TSHZ2: variants seen among roughly 807,000 people sequenced by gnomAD.
TSHZ2 encodes the protein teashirt homolog 2.
A neutral mutation model predicts 74.4 loss-of-function variants in TSHZ2; 21 were observed. That is an observed-to-expected ratio of 0.28 (90% confidence interval 0.20 to 0.41). The LOEUF (loss-of-function observed/expected upper bound fraction) is 0.41, where lower values mean the gene tolerates loss of function less well. TSHZ2 is among the 10% of genes least tolerant of loss of function. The probability of loss-of-function intolerance (pLI) is 1.00; values close to 1 mark genes in which losing one functional copy is unlikely to be tolerated. For missense variants in TSHZ2, 1,244 were observed against 1,293.5 expected (o/e 0.96, Z 0.59); for synonymous variants, 540 against 515.3 (o/e 1.05, Z -0.65).
chr20:53,453,580 T>A (rs905271135), intron 2 of TSHZ2, among the ~76,000 whole-genome samples: 18 of 152,152 alleles, frequency 1.2e-4, no homozygotes. Flanking sequence ...ATGTCCAGGG[T>A]ATCTTAATTT....
chr20:53,131,245 A>G (rs918020100), intron 1 of TSHZ2, among the ~76,000 whole-genome samples: 1 of 152,224 alleles, frequency 6.6e-6, no homozygotes. Flanking sequence ...ATTAGATTAC[A>G]TGTTTTAGGA....
chr20:53,348,319 C>A (rs899791519), intron 2 of TSHZ2, among the ~76,000 whole-genome samples: 1 of 152,200 alleles, frequency 6.6e-6, no homozygotes, highest in Non-Finnish European at 1.5e-5. Context: ...AGTGTGGATA[C>A]ATGGTGCAAC....
intron 1 of TSHZ2, among the ~76,000 whole-genome samples, chr20:53,032,998 G>T (rs1180452493): frequency 6.6e-6 from 1 of 152,170 alleles, no homozygotes; most frequent in Non-Finnish European, 1.5e-5. Context: ...CATAAACAGT[G>T]CCTGATATAT....
At chr20:53,485,971 C>A (rs1358142314) in intron 2 of TSHZ2, among the ~76,000 whole-genome samples, 2 of 152,130 alleles carry the variant, frequency 1.3e-5, no homozygotes, top group African/African-American at 2.4e-5. Context: ...ACAAACATAA[C>A]AATGTCCATC....
rs1463003941 is a variant in TSHZ2 at position 53,160,119 on chromosome 20, A to T, written c.41-93380A>T. On this transcript the variant is annotated intron_variant, in intron 1 of 2. Transcript: ENST00000371497. ...AGTAGGCCCTAGGAAATTCAAAGCA[A>T]GATGCCTGTATGTCTGAAGAACAGA... Among the ~76,000 whole-genome samples the T allele has an allele frequency of 3.9e-5, 6 of 152,310 alleles. No homozygotes were observed. The East Asian group carries it at 7.7e-4, about 20-fold the overall frequency.
intron 2 of TSHZ2, among the ~76,000 whole-genome samples, chr20:53,409,368 T>C (rs1982965209): frequency 6.6e-6 from 1 of 152,230 alleles, no homozygotes; most frequent in Non-Finnish European, 1.5e-5. Context: ...AGACATCAAC[T>C]TTCCCAAGGC....
intron 2 of TSHZ2, among the ~76,000 whole-genome samples, chr20:53,469,033 G>A (rs1985652751): frequency 1.4e-5 from 1 of 70,992 alleles, no homozygotes; most frequent in Non-Finnish European, 3.0e-5. Flanking sequence ...TAAAGGCTCT[G>A]AAATCGATAT....
At chr20:53,177,934 T>G (rs114212040) in intron 1 of TSHZ2, among the ~76,000 whole-genome samples, 109 of 152,284 alleles carry the variant, frequency 7.2e-4, no homozygotes, top group African/African-American at 2.6e-3. Flanking sequence ...CTTTGGCTCT[T>G]TGCACAGTGC....
chr20:52,988,959 C>G (rs1981874163), intron 1 of TSHZ2, among the ~76,000 whole-genome samples: 1 of 152,044 alleles, frequency 6.6e-6, no homozygotes, highest in Non-Finnish European at 1.5e-5. Flanking sequence ...TTTATTTTAG[C>G]AAATGAAAAT....
intron 1 of TSHZ2, among the ~76,000 whole-genome samples, chr20:53,035,103 A>G (rs1403919069): frequency 6.6e-6 from 1 of 152,228 alleles, no homozygotes; most frequent in Non-Finnish European, 1.5e-5. Flanking sequence ...CACAGGATGT[A>G]GTAGAGGTGA....
At chr20:53,312,375 C>T (rs942627019) in intron 2 of TSHZ2, among the ~76,000 whole-genome samples, 1 of 152,140 alleles carries the variant, frequency 6.6e-6, no homozygotes, top group Non-Finnish European at 1.5e-5. Flanking sequence ...TGTCTTTTGA[C>T]GATATGTCAC....
chr20:53,297,429 C>T (rs945916848), intron 2 of TSHZ2, among the ~76,000 whole-genome samples: 9 of 151,956 alleles, frequency 5.9e-5, no homozygotes, highest in African/African-American at 7.2e-5. Context: ...CTTTAATTAG[C>T]GTGCCGTCTT....
intron 1 of TSHZ2, among the ~76,000 whole-genome samples, chr20:53,061,207 A>G (rs1409172259): frequency 6.6e-6 from 1 of 152,194 alleles, no homozygotes; most frequent in Non-Finnish European, 1.5e-5. Flanking sequence ...AAGAAAATAG[A>G]GGTAAGGTTG....
At chr20:53,083,916 T>C (rs894563977) in intron 1 of TSHZ2, among the ~76,000 whole-genome samples, 3 of 152,186 alleles carry the variant, frequency 2.0e-5, no homozygotes, top group Non-Finnish European at 2.9e-5. Context: ...TTTACTTCTG[T>C]CTTTTAACAT....
intron 1 of TSHZ2, among the ~76,000 whole-genome samples, chr20:53,030,912 G>A (rs569537793): frequency 3.5e-4 from 54 of 152,236 alleles, no homozygotes; most frequent in Middle Eastern, 3.4e-3. Flanking sequence ...AAAGAAACAC[G>A]TAAAAATTTT....
intron 1 of TSHZ2, among the ~76,000 whole-genome samples, chr20:53,003,140 A>G (rs945166606): frequency 4.6e-5 from 7 of 152,214 alleles, no homozygotes; most frequent in East Asian, 1.9e-4. Context: ...AAGCACTTCC[A>G]GTATGAAATT....
intron 2 of TSHZ2, among the ~76,000 whole-genome samples, chr20:53,479,210 A>G (rs563257292): frequency 1.4e-4 from 21 of 152,148 alleles, no homozygotes; most frequent in African/African-American, 4.8e-4. Context: ...AGACATGAAA[A>G]TGCACCAGAA....
At chr20:53,248,081 GT>G (rs1309552424) in intron 1 of TSHZ2, among the ~76,000 whole-genome samples, 1 of 151,854 alleles carries the variant, frequency 6.6e-6, no homozygotes, top group Non-Finnish European at 1.5e-5. Flanking sequence ...TTCTGTTGTT[GT>G]TTTTTTGGGA....
At chr20:53,452,291 C>T (rs1204712642) in intron 2 of TSHZ2, among the ~76,000 whole-genome samples, 3 of 152,168 alleles carry the variant, frequency 2.0e-5, no homozygotes, top group Admixed American at 6.5e-5. Flanking sequence ...TTAACACCAT[C>T]TCTTATTACC....
Sources: allele counts gnomAD v4.1 joint callset (sites outside exome capture counted in the v4.1 genomes callset), GRCh38; gene constraint gnomAD v4.1.1; transcripts MANE v1.5; gene names NCBI Gene and HGNC (gene_info 2026-07-23, HGNC 2026-07-21).